Variants in MCF2L2 observed in about 807,000 individuals in gnomAD.
MCF2L2 encodes the protein MCF.2 cell line derived transforming sequence-like 2, also known as probable guanine nucleotide exchange factor MCF2L2.
MCF2L2 carries 102 observed loss-of-function variants against 150.2 expected under a neutral mutation model. The observed-to-expected ratio is 0.68, with a 90% CI of 0.58 to 0.80. MCF2L2 has a LOEUF of 0.80. MCF2L2 is among the 30% of genes least tolerant of loss of function. The probability of loss-of-function intolerance (pLI) is 0.00; values close to 1 mark genes in which losing one functional copy is unlikely to be tolerated. For synonymous variants in MCF2L2, 465 were observed against 491.3 expected, an observed-to-expected ratio of 0.95 and a Z score of 0.71; for missense variants, 1,256 against 1,372.8, an observed-to-expected ratio of 0.91 and a Z score of 1.34.
At chr3:183,389,608 A>G in intron 2 of MCF2L2, 88 bp downstream of exon 2, 2 of 1,139,974 alleles carry the variant, frequency 1.8e-6, no homozygotes, top group Non-Finnish European at 1.3e-6. Flanking sequence ...AGATTTGAGT[A>G]TAACATTCCT....
chr3:183,253,580 G>A (rs888026868), intron 15 of MCF2L2: 2 of 152,272 alleles, frequency 1.3e-5, no homozygotes, highest in South Asian at 4.1e-4. Context: ...TCCTTACTTT[G>A]TTACTGAGGC....
chr3:183,348,763 A>G (rs933490235), intron 3 of MCF2L2, among the ~76,000 whole-genome samples: 3 of 152,058 alleles, frequency 2.0e-5, no homozygotes. Context: ...GACAAGGAGT[A>G]TCGGCAGAGA....
intron 3 of MCF2L2, among the ~76,000 whole-genome samples, chr3:183,360,948 G>T (rs1712098664): frequency 7.1e-6 from 1 of 140,484 alleles, no homozygotes; most frequent in African/African-American, 2.7e-5. Context: ...GGCAAGAAGA[G>T]TGAAACTCAG....
At chr3:183,244,757 C>T (rs1228038254) in intron 15 of MCF2L2, among the ~76,000 whole-genome samples, 1 of 151,544 alleles carries the variant, frequency 6.6e-6, no homozygotes, top group Non-Finnish European at 1.5e-5. Context: ...ATTTAATAAT[C>T]AGGAAACAGT....
intron 1 of MCF2L2, among the ~76,000 whole-genome samples, chr3:183,400,970 T>C (rs574587090): frequency 1.3e-5 from 2 of 152,282 alleles, no homozygotes; most frequent in South Asian, 4.1e-4. Context: ...TAAGATTCAC[T>C]ATCTGAGCAG....
intron 11 of MCF2L2, 30 bp downstream of exon 11, chr3:183,299,975 A>G (rs1728753161): frequency 1.1e-5 from 18 of 1,597,838 alleles, no homozygotes; most frequent in Non-Finnish European, 1.4e-5. Flanking sequence ...AATCTTGCAG[A>G]CATCATGTTC....
chr3:183,183,022 A>G (rs1336888309), intron 27 of MCF2L2, among the ~76,000 whole-genome samples: 2 of 152,110 alleles, frequency 1.3e-5, no homozygotes, highest in African/African-American at 4.8e-5. Context: ...TTGGAGACAG[A>G]GTCTGGCTTG....
intron 1 of MCF2L2, among the ~76,000 whole-genome samples, chr3:183,401,821 A>C (rs941954729): frequency 3.3e-5 from 5 of 152,166 alleles, no homozygotes; most frequent in Non-Finnish European, 5.9e-5. Context: ...CTGCTTGTTC[A>C]TTCTCCTACT....
At chr3:183,211,793 G>A (rs1350853548) in intron 22 of MCF2L2, among the ~76,000 whole-genome samples, 1 of 151,990 alleles carries the variant, frequency 6.6e-6, no homozygotes. Context: ...TGGGAGTAGG[G>A]GACAGGAAAC....
chr3:183,365,403 G>A (rs1024955388), intron 3 of MCF2L2, among the ~76,000 whole-genome samples: 18 of 152,292 alleles, frequency 1.2e-4, no homozygotes, highest in African/African-American at 4.1e-4. Flanking sequence ...CTTAAGGGAT[G>A]GGGAGAAGTG....
chr3:183,340,451 G>A (rs1203148630), intron 4 of MCF2L2, among the ~76,000 whole-genome samples: 1 of 152,030 alleles, frequency 6.6e-6, no homozygotes, highest in African/African-American at 2.4e-5. Context: ...GCTTGTGGTG[G>A]AGTTCACAAG....
chr3:183,382,963 C>T (rs986212529), intron 2 of MCF2L2, among the ~76,000 whole-genome samples: 5 of 152,104 alleles, frequency 3.3e-5, no homozygotes, highest in African/African-American at 1.2e-4. Context: ...CTTCCAGTAT[C>T]TATTTTCCCT....
intron 6 of MCF2L2, 74 bp downstream of exon 6, chr3:183,323,161 A>T: frequency 9.3e-7 from 1 of 1,076,378 alleles, no homozygotes; most frequent in Non-Finnish European, 1.4e-6. Context: ...CTGGCAGTTG[A>T]TCTTTAACTC....
intron 1 of MCF2L2, among the ~76,000 whole-genome samples, chr3:183,413,567 C>T (rs1327133990): frequency 3.3e-5 from 5 of 152,174 alleles, no homozygotes; most frequent in Non-Finnish European, 7.3e-5. Context: ...CTGCTCACCT[C>T]GCATAACAAA....
intron 22 of MCF2L2, among the ~76,000 whole-genome samples, chr3:183,213,694 G>T (rs1382182213): frequency 1.3e-5 from 2 of 152,138 alleles, no homozygotes; most frequent in Non-Finnish European, 2.9e-5. Flanking sequence ...ATAAAGAGTG[G>T]AATAGCACCC....
At chr3:183,199,642 C>CT (rs1283080807) in intron 25 of MCF2L2, among the ~76,000 whole-genome samples, 1 of 143,398 alleles carries the variant, frequency 7.0e-6, no homozygotes, top group Non-Finnish European at 1.5e-5. Context: ...TTTTATTATA[C>CT]TTTAAGTTCT....
At chr3:183,187,922 C>T (rs1721753053) in intron 27 of MCF2L2, among the ~76,000 whole-genome samples, 1 of 152,186 alleles carries the variant, frequency 6.6e-6, no homozygotes, top group Non-Finnish European at 1.5e-5. Context: ...TTCCCTTTCT[C>T]CTCATGTCAA....
chr3:183,259,338 TTG>T (rs1236906812), intron 15 of MCF2L2, among the ~76,000 whole-genome samples: 1 of 152,122 alleles, frequency 6.6e-6, no homozygotes, highest in Non-Finnish European at 1.5e-5. Flanking sequence ...TAGTGGCTGT[TTG>T]TAGCATGTTT....
At chr3:183,272,405 TAAG>T in intron 15 of MCF2L2, 3 of 1,000,268 alleles carry the variant, frequency 3.0e-6, no homozygotes, top group Non-Finnish European at 3.6e-6. Context: ...TCTCATATAA[TAAG>T]GTGATGTCGG....
Sources: allele counts gnomAD v4.1 joint callset (sites outside exome capture counted in the v4.1 genomes callset), GRCh38; gene constraint gnomAD v4.1.1; transcripts MANE v1.5; gene names NCBI Gene and HGNC (gene_info 2026-07-23, HGNC 2026-07-21).